Variants in URB1 observed in about 807,000 individuals in gnomAD.
URB1 encodes URB1 ribosome biogenesis factor.
In URB1, 197 loss-of-function variants were observed where a neutral mutation model predicts 242.3. That is an observed-to-expected ratio of 0.81 (90% CI 0.72 to 0.91). The LOEUF is 0.91. Among genes scored for constraint, URB1 ranks in the 40% least tolerant of loss-of-function variants. The pLI, the probability that URB1 is intolerant of heterozygous loss-of-function variation, is 0.00. For synonymous variants in URB1, 1,153 were observed against 1,201.8 expected (o/e 0.96, Z 0.84); for missense variants, 2,721 against 2,860.5 (o/e 0.95, Z 1.11).
intron 5 of URB1, among the ~76,000 whole-genome samples, chr21:32,375,736 G>A (rs1229904052): frequency 6.6e-6 from 1 of 152,010 alleles, no homozygotes; most frequent in Non-Finnish European, 1.5e-5. Flanking sequence ...CTTGAGGCCA[G>A]GAGTTCAAGA....
intron 6 of URB1, among the ~76,000 whole-genome samples, chr21:32,374,879 C>T (rs780544752): frequency 3.3e-5 from 5 of 152,160 alleles, no homozygotes; most frequent in African/African-American, 7.2e-5. Context: ...TCCTTTCATG[C>T]TTATTAGCCA....
chr21:32,391,218 C>T (rs1262587295), intron 1 of URB1, among the ~76,000 whole-genome samples: 50 of 50,968 alleles, frequency 9.8e-4, no homozygotes, highest in East Asian at 7.3e-4. Context: ...GGCCTGTTGT[C>T]GGGTCGGGGG....
At chr21:32,392,364 C>T (rs1050348079) in intron 1 of URB1, among the ~76,000 whole-genome samples, 45 of 152,142 alleles carry the variant, frequency 3.0e-4, no homozygotes, top group Non-Finnish European at 7.3e-5. Flanking sequence ...GGGATGGAAG[C>T]TATTGAAAAC....
At chr21:32,326,578 C>T (rs2032832105) in intron 30 of URB1, among the ~76,000 whole-genome samples, 1 of 152,098 alleles carries the variant, frequency 6.6e-6, no homozygotes, top group African/African-American at 2.4e-5. Context: ...GAGGTGGGGA[C>T]TCCGGTGGGA....
intron 12 of URB1, among the ~76,000 whole-genome samples, chr21:32,361,457 A>AGCAACAGGGACAT (rs1335231590): frequency 1.3e-5 from 2 of 152,178 alleles, no homozygotes; most frequent in Non-Finnish European, 2.9e-5. Context: ...TCTTCATCTG[A>AGCAACAGGGACAT]GCAACAGGGA....
At position 32,384,302 on chromosome 21, in the gene URB1, AG is replaced by A. The variant is rs2033557892; in HGVS notation, c.434+10del. On this transcript the variant is annotated intron_variant, in intron 3 of 38. Coordinates refer to ENST00000382751, the MANE Select transcript of URB1 (RefSeq NM_014825.3). The stretch of plus-strand genomic sequence containing the variant: ...GGCCCATCCTTTGTCACACCAAGGC[AG>A]ACTGCCTACCTGTAACCTGAGGCAT... The A allele has an allele frequency of 6.5e-7, 1 of 1,548,604 alleles. No individual in the cohort carries two copies. Among genetic ancestry groups the A allele is most frequent in the Non-Finnish European group, 8.7e-7 (1 of 1,144,076 alleles).
intron 28 of URB1, 86 bp from the exon 29 acceptor site, chr21:32,334,420 T>G: frequency 7.0e-7 from 1 of 1,428,840 alleles, no homozygotes; most frequent in Non-Finnish European, 9.3e-7. Flanking sequence ...GTAGCAGTTG[T>G]CAGGCTGCCA....
rs2032644649 is a variant in URB1, at chr21:32,314,399, G to A, written c.*519C>T. On this transcript the variant is annotated 3_prime_UTR_variant, in exon 39 of 39. Transcript: ENST00000382751. ...GGGGTTTCACCATGTTGGGAAGGCT[G>A]GTTTCGAACTCCTGACCTCAGGTGA... The A allele has an allele frequency of 3.1e-6, 2 of 654,324 alleles. No homozygotes were observed. The highest frequency in any genetic ancestry group is 5.6e-6 in the Non-Finnish European group (2 of 355,666). The allele number at this position is 654,324 out of a possible 1,614,324, so 40.5% of individuals were successfully genotyped here.
intron 29 of URB1, 124 bp downstream of exon 29, chr21:32,334,039 A>T (rs992951702): frequency 6.5e-6 from 8 of 1,238,740 alleles, no homozygotes; most frequent in Non-Finnish European, 8.8e-6. Flanking sequence ...CTATACCTTT[A>T]TATATGATAA....
chr21:32,361,187 G>GAAAGAAAGAAAGAAAGAA, intron 12 of URB1, 64 bp from the exon 13 acceptor site: 1 of 843,210 alleles, frequency 1.2e-6, no homozygotes, highest in South Asian at 1.9e-5. Flanking sequence ...AAGAAAGAAA[G>GAAAGAAAGAAAGAAAGAA]AAAGAAAGAA....
In URB1 at chr21:32,372,597, C is replaced by T. The variant is rs943637689; in HGVS notation, c.911G>A (p.Arg304Gln). 8 of 1,550,834 alleles carry T rather than the reference C, an allele frequency of 5.2e-6. No individual in the cohort carries two copies. The highest frequency in any genetic ancestry group is 2.7e-5 in the African/African-American group (2 of 72,978). ...CATCAGGAAGTTATGAACAAGCTCCCGCACCATGGTTTTCCCTGCTTCTTC... is the reference window on the plus strand; with the variant it reads ...CATCAGGAAGTTATGAACAAGCTCCTGCACCATGGTTTTCCCTGCTTCTTC... ...SAEEAGKTMV[R>Q]ELVHNFLMDL... The change falls in exon 8 of 39, where the codon CGG becomes CAG. Residue 304 changes from arginine (R) to glutamine (Q), a missense_variant. By Grantham distance (43) the Arg-to-Gln change is conservative. Transcript: ENST00000382751.
chr21:32,348,238 C>A (rs1388133302), intron 21 of URB1, among the ~76,000 whole-genome samples: 1 of 152,228 alleles, frequency 6.6e-6, no homozygotes. Context: ...GGCTTCTCCT[C>A]AGCGGCCTTG....
chr21:32,375,223 G>C (rs571173264), intron 6 of URB1, among the ~76,000 whole-genome samples, 175 bp downstream of exon 6: 1 of 152,316 alleles, frequency 6.6e-6, no homozygotes, highest in South Asian at 2.1e-4. Flanking sequence ...TCTAGTCCCA[G>C]GATATGCTCA....
chr21:32,361,164 A>G (rs2033281046), intron 12 of URB1, 41 bp from the exon 13 acceptor site: 1 of 589,054 alleles, frequency 1.7e-6, no homozygotes, highest in Non-Finnish European at 2.8e-6. Context: ...GAGAAAAAAG[A>G]AAGAAAGAAA....
chr21:32,361,125 T>C lies in URB1; in HGVS notation c.1640-2A>G. 1 of 1,271,984 alleles carries C rather than the reference T, an allele frequency of 7.9e-7. No individual in the cohort carries two copies. Among genetic ancestry groups the C allele is most frequent in the Non-Finnish European group, 9.9e-7 (1 of 1,006,786 alleles). The allele number at this position is 1,271,984 out of a possible 1,614,324, so 78.8% of individuals were successfully genotyped here. On this transcript the variant is annotated splice_acceptor_variant, in intron 12 of 38. Coordinates refer to ENST00000382751, the MANE Select transcript of URB1 (RefSeq NM_014825.3). LOFTEE classifies it high-confidence loss of function. ...TCAAAAGAATGGTTTCTGCATCATC[T>C]GCACAAAAAAAAGAAAAAGAAAGAA...
intron 25 of URB1, among the ~76,000 whole-genome samples, chr21:32,341,139 T>C (rs957590385): frequency 1.3e-5 from 2 of 152,180 alleles, no homozygotes; most frequent in Admixed American, 6.5e-5. Context: ...CAGAAGAGTG[T>C]TGACCTTTGG....
In URB1 at chr21:32,347,205, C is replaced by A; in HGVS notation, c.3619G>T (p.Asp1207Tyr). 6.4e-7 allele frequency: 1 copy of A among 1,550,390 alleles called. No homozygotes were observed. Among genetic ancestry groups the A allele is most frequent in the Non-Finnish European group, 8.7e-7 (1 of 1,146,912 alleles). ...DTVLLHTLQR[D>Y]PVLAPAVGAD... Reference sequence around the variant, plus strand: ...CCGACTGCGGGGGCCAGCACAGGGTCTCTCTGCAGAGTGTGGAGGAGCACT... The same window carrying A: ...CCGACTGCGGGGGCCAGCACAGGGTATCTCTGCAGAGTGTGGAGGAGCACT... Residue 1207 changes from aspartate to tyrosine, a missense_variant, in exon 22 of 39, where the codon GAC becomes TAC. Physicochemically the swap from Asp to Tyr is radical, Grantham distance 160. Coordinates refer to ENST00000382751, the MANE Select transcript of URB1 (RefSeq NM_014825.3).
At chr21:32,354,817 G>T in intron 17 of URB1, 42 bp downstream of exon 17, 4 of 1,533,824 alleles carry the variant, frequency 2.6e-6, no homozygotes, top group Non-Finnish European at 3.5e-6. Flanking sequence ...CTGTGGCTTG[G>T]TCTTCAGACC....
chr21:32,337,303 C>T, intron 27 of URB1, 101 bp downstream of exon 27: 1 of 1,354,452 alleles, frequency 7.4e-7, no homozygotes, highest in Non-Finnish European at 1.0e-6. Context: ...TCACTGTCTC[C>T]TCCTGCTCAC....
Sources: allele counts gnomAD v4.1 joint callset (sites outside exome capture counted in the v4.1 genomes callset), GRCh38; gene constraint gnomAD v4.1.1; transcripts MANE v1.5; gene names NCBI Gene and HGNC (gene_info 2026-07-23, HGNC 2026-07-21).